The following WWOX variants were observed in gnomAD, a reference collection of about 807,000 sequenced individuals.
WWOX encodes WW domain containing oxidoreductase, also known as WW domain-containing oxidoreductase.
A neutral mutation model predicts 46.2 loss-of-function variants in WWOX; 69 were observed. The ratio of observed to expected loss-of-function variants is 1.49; its 90% CI spans 1.23 to 1.82. The LOEUF (loss-of-function observed/expected upper bound fraction) is 1.82. WWOX is among the 40% of genes most tolerant of loss of function. The probability of loss-of-function intolerance (pLI) is 0.00; values close to 1 mark genes in which losing one functional copy is unlikely to be tolerated. For missense variants in WWOX, 919 were observed against 542.6 expected, an observed-to-expected ratio of 1.69 and a Z score of -6.89; for synonymous variants, 359 against 202.6, an observed-to-expected ratio of 1.77 and a Z score of -6.56.
chr16:78,274,032 C>T (rs2079533294), intron 5 of WWOX, among the ~76,000 whole-genome samples: 1 of 152,172 alleles, frequency 6.6e-6, no homozygotes, highest in African/African-American at 2.4e-5. Context: ...TGCTTCTCTT[C>T]AAAATTGCTT....
chr16:78,777,271 C>T (rs1171176250), intron 8 of WWOX, among the ~76,000 whole-genome samples: 1 of 152,098 alleles, frequency 6.6e-6, no homozygotes, highest in Non-Finnish European at 1.5e-5. Context: ...TCTCAGGTGT[C>T]AATGCCATCC....
intron 8 of WWOX, among the ~76,000 whole-genome samples, chr16:78,841,293 T>A (rs896817104): frequency 6.6e-6 from 1 of 152,114 alleles, no homozygotes; most frequent in Non-Finnish European, 1.5e-5. Context: ...AATATTTGAG[T>A]CACCATAATG....
Position 78,874,180 on chromosome 16 carries a change from C to T in WWOX, c.1057-337428C>T, listed in dbSNP as rs145663551. 9.1e-3 allele frequency among the ~76,000 whole-genome samples: 1,363 copies of T among 150,192 alleles called. 20 individuals carry two copies. The highest frequency in any genetic ancestry group is 0.032 in the African/African-American group (1,278 of 40,552). ...CTGAGGCAGGAGAATCGCTTGAACC[C>T]AGGAGGTGAAGGTTGCAGTGAGCTG... On this transcript the variant is annotated intron_variant, in intron 8 of 8. Transcript: ENST00000566780.
At chr16:78,493,520 A>G (rs985347890) in intron 8 of WWOX, among the ~76,000 whole-genome samples, 3 of 152,232 alleles carry the variant, frequency 2.0e-5, no homozygotes, top group Non-Finnish European at 4.4e-5. Context: ...TGGTCATTCT[A>G]GTATCAACTG....
intron 4 of WWOX, among the ~76,000 whole-genome samples, chr16:78,141,526 AG>A (rs918321862): frequency 4.1e-5 from 6 of 147,372 alleles, no homozygotes; most frequent in Non-Finnish European, 7.4e-5. Context: ...ATTCCTAGCC[AG>A]GCATTTGTGT....
chr16:78,118,134 C>T (rs185585486), intron 4 of WWOX, among the ~76,000 whole-genome samples: 316 of 151,700 alleles, frequency 2.1e-3, no homozygotes, highest in African/African-American at 7.0e-3. Context: ...ACATCCCTCC[C>T]TTGATAGACT....
chr16:78,717,375 A>T (rs2048588636), intron 8 of WWOX, among the ~76,000 whole-genome samples: 2 of 152,212 alleles, frequency 1.3e-5, no homozygotes, highest in Non-Finnish European at 2.9e-5. Flanking sequence ...ATCCTGCTTA[A>T]TATTACACTG....
At chr16:78,489,743 A>T (rs962516034) in intron 8 of WWOX, among the ~76,000 whole-genome samples, 5 of 152,058 alleles carry the variant, frequency 3.3e-5, no homozygotes, top group Admixed American at 6.6e-5. Flanking sequence ...GTTCACTGGG[A>T]TGGCTCAAGG....
At chr16:78,890,492 C>G (rs2044566627) in intron 8 of WWOX, 1 of 152,230 alleles carries the variant, frequency 6.6e-6, no homozygotes, top group African/African-American at 2.4e-5. Flanking sequence ...AAGTTGCTGT[C>G]TGAACTGGGC....
intron 5 of WWOX, among the ~76,000 whole-genome samples, chr16:78,334,832 AT>A (rs2080846469): frequency 1.1e-5 from 1 of 94,310 alleles, no homozygotes; most frequent in Non-Finnish European, 2.0e-5. Context: ...ACACACACAC[AT>A]ACACACACAC....
intron 8 of WWOX, among the ~76,000 whole-genome samples, chr16:78,465,440 G>T (rs924668697): frequency 6.6e-6 from 1 of 152,142 alleles, no homozygotes; most frequent in East Asian, 1.9e-4. Context: ...TCGGCCTCCC[G>T]AAGTGCTGGG....
At chr16:78,158,447 T>A (rs1475315318) in intron 4 of WWOX, among the ~76,000 whole-genome samples, 1 of 152,168 alleles carries the variant, frequency 6.6e-6, no homozygotes, top group Non-Finnish European at 1.5e-5. Context: ...TGGATTAGAC[T>A]GCCTCTTCTT....
At chr16:79,007,811 G>A (rs1470636112) in intron 8 of WWOX, among the ~76,000 whole-genome samples, 1 of 152,204 alleles carries the variant, frequency 6.6e-6, no homozygotes, top group Non-Finnish European at 1.5e-5. Flanking sequence ...AATAATGGTA[G>A]AGAAAGTAAT....
intron 8 of WWOX, among the ~76,000 whole-genome samples, chr16:78,722,036 A>C (rs1033459019): frequency 1.3e-5 from 2 of 152,238 alleles, no homozygotes; most frequent in African/African-American, 4.8e-5. Flanking sequence ...TATTTTGCAT[A>C]TTAATACTTG....
intron 8 of WWOX, among the ~76,000 whole-genome samples, chr16:78,726,966 G>A (rs2048850225): frequency 1.3e-5 from 2 of 152,196 alleles, no homozygotes; most frequent in Admixed American, 6.5e-5. Flanking sequence ...TGTGTTTTTG[G>A]TCATCCCAAT....
chr16:78,976,926 C>G (rs1171353854), intron 8 of WWOX, among the ~76,000 whole-genome samples: 2 of 152,156 alleles, frequency 1.3e-5, no homozygotes, highest in Non-Finnish European at 2.9e-5. Context: ...TCAGGGCCAT[C>G]AGAAAGGAAG....
chr16:78,746,417 G>A (rs1169741744), intron 8 of WWOX, among the ~76,000 whole-genome samples: 1 of 152,142 alleles, frequency 6.6e-6, no homozygotes, highest in Admixed American at 6.6e-5. Context: ...AGGATCAACT[G>A]AGCCCAGGAG....
chr16:79,200,318 G>A (rs867497936), intron 8 of WWOX, among the ~76,000 whole-genome samples: 15 of 152,144 alleles, frequency 9.9e-5, no homozygotes, highest in Non-Finnish European at 1.3e-4. Flanking sequence ...TAAGTATCCC[G>A]CTCTCAGATC....
At chr16:78,184,678 G>A (rs371116961) in intron 5 of WWOX, among the ~76,000 whole-genome samples, 2 of 152,022 alleles carry the variant, frequency 1.3e-5, no homozygotes, top group Non-Finnish European at 2.9e-5. Context: ...AACACTGTTC[G>A]GTTTGTTTAC....
Sources: allele counts gnomAD v4.1 joint callset (sites outside exome capture counted in the v4.1 genomes callset), GRCh38; gene constraint gnomAD v4.1.1; transcripts MANE v1.5; gene names NCBI Gene and HGNC (gene_info 2026-07-23, HGNC 2026-07-21).